RIMBP2: variants seen among roughly 807,000 people sequenced by gnomAD.
The protein encoded by RIMBP2 is RIMS-binding protein 2.
RIMBP2 carries 48 observed loss-of-function variants against 118.6 expected under a neutral mutation model. The observed-to-expected ratio is 0.40, with a 90% confidence interval of 0.32 to 0.51. The LOEUF (loss-of-function observed/expected upper bound fraction) is 0.51, where lower values mean the gene tolerates loss of function less well. Among genes scored for constraint, RIMBP2 ranks in the 20% least tolerant of loss-of-function variants. RIMBP2 has a pLI of 0.41. For synonymous variants in RIMBP2, 762 were observed against 742.9 expected, an observed-to-expected ratio of 1.03 and a Z score of -0.42; for missense variants, 1,551 against 1,768.3, an observed-to-expected ratio of 0.88 and a Z score of 2.20.
intron 3 of RIMBP2, among the ~76,000 whole-genome samples, chr12:130,513,086 G>T (rs1250867464): frequency 6.6e-6 from 1 of 152,040 alleles, no homozygotes; most frequent in African/African-American, 2.4e-5. Flanking sequence ...CAACCTTTTG[G>T]GTTTCTGGCC....
In RIMBP2 at chr12:130,424,866, G is replaced by C; in HGVS notation, c.2413-8C>G. The C allele has an allele frequency of 5.7e-6, 7 of 1,230,634 alleles. No homozygotes were observed. The highest frequency in any genetic ancestry group is 7.1e-6 in the Non-Finnish European group (7 of 986,554). 76.2% of individuals were successfully genotyped at this position (1,230,634 alleles called of 1,614,324 possible). On this transcript the variant is annotated splice_region_variant and splice_polypyrimidine_tract_variant and intron_variant, in intron 15 of 22. Coordinates refer to ENST00000690449, the MANE Select transcript of RIMBP2 (RefSeq NM_001393629.1). The surrounding 1 kb of genome is among the most constrained non-coding windows in gnomAD (Gnocchi z 9.8). Reference sequence around the variant, plus strand: ...CCTATGGTCAGTGCAGTCCTTACGGGGTGGTGTGTCAAGAACAGGCGCGGG... The same window carrying C: ...CCTATGGTCAGTGCAGTCCTTACGGCGTGGTGTGTCAAGAACAGGCGCGGG...
chr12:130,419,949 A>C lies in RIMBP2; in HGVS notation c.3238+2504T>G, dbSNP rs2076314575. On this transcript the variant is annotated intron_variant, in intron 17 of 22. Coordinates refer to ENST00000690449, the MANE Select transcript of RIMBP2 (RefSeq NM_001393629.1). This position sits in a 1 kb window ranked among gnomAD's most constrained non-coding sequence, Gnocchi z 4.3. ...AATTTTGGAAATCCAGAAAATATTA[A>C]AATTTATATTATTTTTCATTGTAGG... The C allele has an allele frequency of 6.6e-6, 1 of 152,204 alleles. No individual in the cohort carries two copies. Among genetic ancestry groups the C allele is most frequent in the Non-Finnish European group, 1.5e-5 (1 of 68,038 alleles). 9.4% of individuals were successfully genotyped at this position (152,204 alleles called of 1,614,324 possible). A position where few individuals can be genotyped will look rare whatever the true frequency, so the allele number is the denominator to read the frequency against.
At position 130,437,252 on chromosome 12, in the gene RIMBP2, C is replaced by T. The variant is rs770003929; in HGVS notation, c.1696G>A (p.Val566Met). 19 of 1,584,786 alleles carry T rather than the reference C, an allele frequency of 1.2e-5. No homozygotes were observed. The highest frequency in any genetic ancestry group is 1.6e-4 in the Middle Eastern group (1 of 6,066). ...AGGCTCCGCAGCCGCACAAGCTCCA[C>T]GGCCGTGCTGTCTGCCGTGGGGAAG... ...VIFPTADSTA[V>M]ELVRLRSLEA... is the part of the protein sequence containing the mutation. Residue 566 changes from valine to methionine, a missense_variant, in exon 13 of 23, where the codon GTG becomes ATG. This residue lies in a region of RIMBP2 where 1,038 missense variants were observed against 1,125.1 expected (regional missense o/e 0.92). Coordinates refer to ENST00000690449, the MANE Select transcript of RIMBP2 (RefSeq NM_001393629.1).
chr12:130,507,185 T>TA (rs2050448920), intron 3 of RIMBP2, among the ~76,000 whole-genome samples: 1 of 152,164 alleles, frequency 6.6e-6, no homozygotes, highest in South Asian at 2.1e-4. Context: ...CTCGGAAAGT[T>TA]AAAGACAAAC....
intron 6 of RIMBP2, among the ~76,000 whole-genome samples, chr12:130,468,369 T>C (rs1405624672): frequency 1.3e-5 from 2 of 152,168 alleles, no homozygotes; most frequent in Non-Finnish European, 2.9e-5. Context: ...CCTGAGGGGT[T>C]TGGATTCAGC....
intron 5 of RIMBP2, among the ~76,000 whole-genome samples, chr12:130,473,988 C>A (rs148908047): frequency 6.6e-6 from 1 of 152,284 alleles, no homozygotes; most frequent in East Asian, 1.9e-4. Flanking sequence ...GTCAAGTCTG[C>A]GGATGAATTA....
In RIMBP2 at chr12:130,650,977, GAAAGA is replaced by G. The variant is rs540076840; in HGVS notation, c.-351-22526_-351-22522del. ...TTTTTTTAAAAAAAAAAAAAAAAAA[GAAAGA>G]AAAGAAAAGAAACTGCTTTGTAAAT... On this transcript the variant is annotated intron_variant, in intron 1 of 22. Coordinates refer to ENST00000690449, the MANE Select transcript of RIMBP2 (RefSeq NM_001393629.1). 2.4e-3 allele frequency among the ~76,000 whole-genome samples: 298 copies of G among 123,934 alleles called. 1 individual carries two copies. The highest frequency in any genetic ancestry group is 8.4e-3 in the African/African-American group (285 of 33,834). The allele number at this position is 123,934 out of a possible 152,430, so 81.3% of individuals were successfully genotyped here. A position where few individuals can be genotyped will look rare whatever the true frequency, so the allele number is the denominator to read the frequency against.
intron 17 of RIMBP2, among the ~76,000 whole-genome samples, chr12:130,415,063 A>C (rs866128315): frequency 6.6e-6 from 1 of 152,330 alleles, no homozygotes; most frequent in Middle Eastern, 3.4e-3. Context: ...TGAAGCCAAC[A>C]TCACCCTGAT....
chr12:130,441,796 G>T, intron 11 of RIMBP2, 52 bp downstream of exon 11: 2 of 1,512,706 alleles, frequency 1.3e-6, no homozygotes, highest in South Asian at 1.2e-5. Context: ...CTAGCAGGGT[G>T]ACATCCTGGC....
chr12:130,501,200 G>A (rs1181191370), intron 4 of RIMBP2, among the ~76,000 whole-genome samples: 2 of 152,134 alleles, frequency 1.3e-5, no homozygotes, highest in Non-Finnish European at 2.9e-5. Context: ...CCCCGAGCCT[G>A]TGCACTTCTC....
intron 2 of RIMBP2, among the ~76,000 whole-genome samples, chr12:130,625,079 C>A (rs1189114905): frequency 3.3e-5 from 5 of 152,148 alleles, no homozygotes; most frequent in Admixed American, 1.3e-4. Flanking sequence ...TTGGGGTACA[C>A]GTGATATTTT....
At chr12:130,461,300 G>A (rs898750100) in intron 6 of RIMBP2, among the ~76,000 whole-genome samples, 18 of 152,170 alleles carry the variant, frequency 1.2e-4, no homozygotes, top group Non-Finnish European at 1.2e-4. Context: ...GCAAATCACC[G>A]TGTGGACACA....
At chr12:130,635,077 G>A (rs777494585) in intron 1 of RIMBP2, among the ~76,000 whole-genome samples, 51 of 152,192 alleles carry the variant, frequency 3.4e-4, no homozygotes, top group Non-Finnish European at 6.5e-4. Flanking sequence ...AGGCAGGATG[G>A]AGCCCATCCC....
At chr12:130,473,255 C>T (rs956832226) in intron 5 of RIMBP2, among the ~76,000 whole-genome samples, 8 of 152,184 alleles carry the variant, frequency 5.3e-5, no homozygotes, top group African/African-American at 1.2e-4. Context: ...ACAGCTTAAG[C>T]GAGGCTCATT....
chr12:130,632,536 C>G (rs2062063101), intron 1 of RIMBP2, among the ~76,000 whole-genome samples: 1 of 152,108 alleles, frequency 6.6e-6, no homozygotes, highest in Non-Finnish European at 1.5e-5. Flanking sequence ...TCCTGGGCTG[C>G]CGGGATGTGC....
At chr12:130,679,100 C>G (rs1200163597) in intron 1 of RIMBP2, among the ~76,000 whole-genome samples, 2 of 152,164 alleles carry the variant, frequency 1.3e-5, no homozygotes, top group African/African-American at 4.8e-5. Flanking sequence ...CTAACCTGAT[C>G]ATTTCCCAAC....
chr12:130,650,566 C>T (rs935628100), intron 1 of RIMBP2, among the ~76,000 whole-genome samples: 2 of 152,248 alleles, frequency 1.3e-5, no homozygotes, highest in African/African-American at 4.8e-5. Context: ...CACATGTGAG[C>T]GGATGGGTCC....
At chr12:130,479,581 G>A (rs2081767237) in intron 4 of RIMBP2, among the ~76,000 whole-genome samples, 1 of 127,176 alleles carries the variant, frequency 7.9e-6, no homozygotes, top group African/African-American at 4.6e-5. Context: ...TGCAAACCCA[G>A]AGTCCGCACC....
intron 1 of RIMBP2, among the ~76,000 whole-genome samples, chr12:130,695,504 G>T (rs1593023119): frequency 6.6e-6 from 1 of 152,218 alleles, no homozygotes; most frequent in Non-Finnish European, 1.5e-5. Flanking sequence ...CACTCTTGGA[G>T]GCCAAAGTGG....
Sources: gnomAD v4.1 joint callset for allele counts (sites outside exome capture counted in the v4.1 genomes callset) on GRCh38, gnomAD v4.1.1 for gene constraint, gnomAD v4.1.1 regional missense constraint, Gnocchi (gnomAD v3.1) non-coding constraint, MANE v1.5 for transcripts, NCBI Gene and HGNC (gene_info 2026-07-23, HGNC 2026-07-21) for gene names.